ANK3: variants seen among roughly 807,000 people sequenced by gnomAD.
ANK3 encodes the protein ankyrin 3.
In ANK3, 57 loss-of-function variants were observed where a neutral mutation model predicts 370.9. The ratio of observed to expected loss-of-function variants is 0.15; its 90% CI spans 0.12 to 0.19. The LOEUF is 0.19. Ranked by LOEUF, ANK3 falls within the 10% of genes least tolerant of loss-of-function variation. ANK3 has a pLI of 1.00. For missense variants in ANK3, 4,439 were observed against 5,302.1 expected (o/e 0.84, Z 5.06); for synonymous variants, 1,929 against 1,946.3 (o/e 0.99, Z 0.23).
chr10:60,601,390 G>T (rs1426658204), intron 2 of ANK3, among the ~76,000 whole-genome samples: 1 of 152,018 alleles, frequency 6.6e-6, no homozygotes, highest in African/African-American at 2.4e-5. Context: ...AACATCAATG[G>T]TAAGTCACGA....
chr10:60,571,721 A>G (rs990245875), intron 2 of ANK3, among the ~76,000 whole-genome samples: 1 of 152,242 alleles, frequency 6.6e-6, no homozygotes, highest in Non-Finnish European at 1.5e-5. Flanking sequence ...GATCAAAACC[A>G]AATGACAGAT....
chr10:60,657,783 T>C (rs767555065), intron 1 of ANK3, among the ~76,000 whole-genome samples: 4 of 152,136 alleles, frequency 2.6e-5, no homozygotes, highest in Admixed American at 6.5e-5. Flanking sequence ...ATTTTTTGGG[T>C]TTAATTATAT....
chr10:60,284,440 C>G (rs985948224), intron 1 of ANK3, among the ~76,000 whole-genome samples: 8 of 152,124 alleles, frequency 5.3e-5, no homozygotes, highest in Non-Finnish European at 8.8e-5. Context: ...GAGTGACTTT[C>G]CCAGGGACAC....
intron 2 of ANK3, among the ~76,000 whole-genome samples, chr10:60,452,839 G>A (rs2064645964): frequency 6.6e-6 from 1 of 152,272 alleles, no homozygotes; most frequent in Admixed American, 6.5e-5. Flanking sequence ...CTACTGGAAA[G>A]TTCCACATAA....
intron 1 of ANK3, among the ~76,000 whole-genome samples, chr10:60,369,600 T>C (rs2059843273): frequency 1.3e-5 from 2 of 152,324 alleles, no homozygotes; most frequent in Admixed American, 1.3e-4. Flanking sequence ...ATTATTCTTA[T>C]TATAAAAAGA....
At chr10:60,586,622 T>C (rs947624822) in intron 2 of ANK3, among the ~76,000 whole-genome samples, 1 of 152,162 alleles carries the variant, frequency 6.6e-6, no homozygotes, top group Non-Finnish European at 1.5e-5. Flanking sequence ...AACCAAGATG[T>C]GTGCTCTGCT....
At chr10:60,392,513 G>A (rs1019718346), upstream of ANK3, among the ~76,000 whole-genome samples, 7 of 152,142 alleles carry the variant, frequency 4.6e-5, no homozygotes, top group Middle Eastern at 3.2e-3. Context: ...CAGTCAGGCC[G>A]ACGGTCACCT....
intron 1 of ANK3, among the ~76,000 whole-genome samples, chr10:60,336,775 C>T (rs551375885): frequency 6.6e-6 from 1 of 152,234 alleles, no homozygotes; most frequent in East Asian, 1.9e-4. Context: ...TAGCTCAGAC[C>T]CCTTTGAAGA....
At chr10:60,622,215 G>A (rs1595358012) in intron 1 of ANK3, among the ~76,000 whole-genome samples, 2 of 151,566 alleles carry the variant, frequency 1.3e-5, no homozygotes. Context: ...AAGTTTGTAG[G>A]TAGGTTAACT....
chr10:60,068,251 G>T (rs2131960726), intron 37 of ANK3, among the ~76,000 whole-genome samples: 1 of 152,272 alleles, frequency 6.6e-6, no homozygotes, highest in African/African-American at 2.4e-5. Flanking sequence ...TGACGAGCTA[G>T]CTAGTTTAAA....
At chr10:60,325,320 T>C (rs1234587414) in intron 1 of ANK3, among the ~76,000 whole-genome samples, 1 of 152,170 alleles carries the variant, frequency 6.6e-6, no homozygotes, top group African/African-American at 2.4e-5. Context: ...GTGAGAAGAT[T>C]ACATCTCTCT....
chr10:60,314,364 G>T (rs1415696963), intron 1 of ANK3, among the ~76,000 whole-genome samples: 1 of 152,064 alleles, frequency 6.6e-6, no homozygotes, highest in Non-Finnish European at 1.5e-5. Context: ...AATCACTCAA[G>T]GGCTCTTTAC....
chr10:60,074,157 C>T lies in ANK3; in HGVS notation c.6724G>A (p.Glu2242Lys), dbSNP rs1312483886. 1 of 1,613,814 alleles carries T rather than the reference C, an allele frequency of 6.2e-7. No homozygotes were observed. The highest frequency in any genetic ancestry group is 8.5e-7 in the Non-Finnish European group (1 of 1,179,962). ...GTGGTTGTGGTTATGTGAGTCTCTT[C>T]TTTAACACGCATGCCTTTGCTTAAA... Reference protein sequence around the residue: ...RVLSKGMRVKEETHITTTTRM... With the variant: ...RVLSKGMRVKKETHITTTTRM... Residue 2242 changes from glutamate to lysine, a missense_variant, in exon 37 of 44, where the codon GAA becomes AAA. Physicochemically the swap from Glu to Lys is moderately conservative, Grantham distance 56. This residue lies in a region of ANK3 where 1,601 missense variants were observed against 1,731.7 expected (regional missense o/e 0.92). Transcript: ENST00000280772.
intron 1 of ANK3, among the ~76,000 whole-genome samples, chr10:60,329,413 C>A (rs1473470498): frequency 6.6e-6 from 1 of 152,162 alleles, no homozygotes; most frequent in Non-Finnish European, 1.5e-5. Context: ...TCTCCTTAAG[C>A]TGATAAGCAA....
In ANK3 at chr10:60,056,828, G is replaced by A. The variant is rs530504710; in HGVS notation, c.12687-792C>T. Reference sequence around the variant, plus strand: ...CCCTTGAGCCCAGGAATTTGAGTTCGGCCTGGGTGATGTGGTAAAACCATG... The same window carrying A: ...CCCTTGAGCCCAGGAATTTGAGTTCAGCCTGGGTGATGTGGTAAAACCATG... On this transcript the variant is annotated intron_variant, in intron 41 of 43. Transcript: ENST00000280772. 2.2e-4 allele frequency among the ~76,000 whole-genome samples: 34 copies of A among 152,142 alleles called. No homozygotes were observed. In the South Asian group the frequency reaches 6.0e-3, roughly 27 times the overall value.
intron 4 of ANK3, among the ~76,000 whole-genome samples, chr10:60,276,490 T>C (rs2098091478): frequency 6.6e-6 from 1 of 152,338 alleles, no homozygotes; most frequent in East Asian, 1.9e-4. Context: ...AGAAGGCATA[T>C]GAGGGCAGGT....
intron 7 of ANK3, among the ~76,000 whole-genome samples, chr10:60,254,532 C>G (rs1343361517): frequency 6.6e-6 from 1 of 152,202 alleles, no homozygotes; most frequent in Non-Finnish European, 1.5e-5. Context: ...GCTTAAAACA[C>G]TCTTAATTTT....
intron 1 of ANK3, among the ~76,000 whole-genome samples, chr10:60,694,801 A>T (rs1452072408): frequency 6.6e-6 from 1 of 151,610 alleles, no homozygotes; most frequent in Non-Finnish European, 1.5e-5. Context: ...TCATGCCAAA[A>T]TGTAAAGACC....
At chr10:60,615,965 A>C (rs2078262513) in intron 1 of ANK3, among the ~76,000 whole-genome samples, 1 of 152,192 alleles carries the variant, frequency 6.6e-6, no homozygotes, top group South Asian at 2.1e-4. Context: ...AAATTATTCC[A>C]ACTGGTACTG....
Sources: allele counts gnomAD v4.1 joint callset (sites outside exome capture counted in the v4.1 genomes callset), GRCh38; gene constraint gnomAD v4.1.1; regional missense constraint gnomAD v4.1.1; transcripts MANE v1.5; gene names NCBI Gene and HGNC (gene_info 2026-07-23, HGNC 2026-07-21).